The following LCE6A variants were observed in gnomAD, a reference collection of about 807,000 sequenced individuals.
LCE6A encodes the protein late cornified envelope 6A, also known as late cornified envelope protein 6A.
For missense variants in LCE6A, 105 were observed against 95.3 expected, an observed-to-expected ratio of 1.10 and a Z score of -0.42; for synonymous variants, 38 against 35.2, an observed-to-expected ratio of 1.08 and a Z score of -0.28.
In LCE6A at chr1:152,843,511, T is replaced by A; in HGVS notation, c.-10T>A. The A allele has an allele frequency of 6.6e-7, 1 of 1,515,716 alleles. No individual in the cohort carries two copies. The highest frequency in any genetic ancestry group is 2.2e-5 in the Admixed American group (1 of 44,716). The allele number at this position is 1,515,716 out of a possible 1,614,324, so 93.9% of individuals were successfully genotyped here. A position where few individuals can be genotyped will look rare whatever the true frequency, so the allele number is the denominator to read the frequency against. ...TATTTTTCTTCCAGATTCGACCTGG[T>A]AGCCAAGCAATGTCACAGCAGAAGC... On this transcript the variant is annotated 5_prime_UTR_variant, in exon 2 of 2. Coordinates refer to ENST00000431011, the MANE Select transcript of LCE6A (RefSeq NM_001128600.2).
chr1:152,842,876 C>CTG lies in LCE6A; in HGVS notation c.-156_-155dup, dbSNP rs2101605761. The CTG allele has an allele frequency of 6.6e-6, 1 of 152,498 alleles. No homozygotes were observed. Among genetic ancestry groups the CTG allele is most frequent in the South Asian group, 2.1e-4 (1 of 4,828 alleles). The allele number at this position is 152,498 out of a possible 1,614,324, so 9.4% of individuals were successfully genotyped here. A position where few individuals can be genotyped will look rare whatever the true frequency, so the allele number is the denominator to read the frequency against. On this transcript the variant is annotated 5_prime_UTR_variant, in exon 1 of 2. Transcript: ENST00000431011. The stretch of plus-strand genomic sequence containing the variant: ...GCAACACAAGGCCTCCAGACTCCTC[C>CTG]TGGGATAACTTGTCCACACATCTTC...
intron 1 of LCE6A, 138 bp from the exon 2 acceptor site, chr1:152,843,362 A>T (rs1473340841): frequency 1.5e-6 from 1 of 658,002 alleles, no homozygotes; most frequent in African/African-American, 1.8e-5. Flanking sequence ...TAGTCCTTTC[A>T]AGTCCGTTTT....
Position 152,843,633 on chromosome 1 carries a change from A to G in LCE6A, c.113A>G (p.His38Arg). Reference protein sequence around the residue: ...APYSTPCGAPHSEGCHSSSQR... With the variant: ...APYSTPCGAPRSEGCHSSSQR... Reference sequence around the variant, plus strand: ...TACTCGACTCCTTGTGGTGCTCCCCATTCAGAAGGTTGTCATTCCAGTTCC... The same window carrying G: ...TACTCGACTCCTTGTGGTGCTCCCCGTTCAGAAGGTTGTCATTCCAGTTCC... The change falls in exon 2 of 2, where the codon CAT (histidine) becomes CGT (arginine). Residue 38 changes from histidine (H) to arginine (R), a missense_variant. Transcript: ENST00000431011. 5 of 1,551,552 alleles carry G rather than the reference A, an allele frequency of 3.2e-6. No homozygotes were observed. The highest frequency in any genetic ancestry group is 4.4e-6 in the Non-Finnish European group (5 of 1,146,900).
Position 152,843,588 on chromosome 1 carries a change from C to T in LCE6A, c.68C>T (p.Ser23Leu). The change falls in exon 2 of 2, where the codon TCA becomes TTA. Residue 23 changes from serine (S) to leucine (L), a missense_variant. Ser to Leu is a moderately radical substitution (Grantham distance 145). Transcript: ENST00000431011. ...CCCAAATGCTCCCCTCCCCAAAGAT[C>T]AAACCCCTGCCTAGCTCCCTACTCG... ...NVPKCSPPQR[S>L]NPCLAPYSTP... The T allele has an allele frequency of 6.4e-7, 1 of 1,551,440 alleles. No homozygotes were observed. Among genetic ancestry groups the T allele is most frequent in the Non-Finnish European group, 8.7e-7 (1 of 1,146,814 alleles).
chr1:152,843,151 C>G (rs1282647457), intron 1 of LCE6A, 140 bp downstream of exon 1: 1 of 158,162 alleles, frequency 6.3e-6, no homozygotes, highest in Non-Finnish European at 1.4e-5. Flanking sequence ...ACTTAGGAGT[C>G]TGGGGACAGA....
chr1:152,843,653 AGTTCCCAAAGGCCT>A lies in LCE6A; in HGVS notation c.135_148del (p.Ser45ArgfsTer6), dbSNP rs776097081. 1 of 1,551,470 alleles carries A rather than the reference AGTTCCCAAAGGCCT, an allele frequency of 6.4e-7. No homozygotes were observed. Among genetic ancestry groups the A allele is most frequent in the South Asian group, 1.2e-5 (1 of 84,044 alleles). ...TCCCCATTCAGAAGGTTGTCATTCC[AGTTCCCAAAGGCCT>A]GAGGTTCAGAAGCCTAGGAGGGCTC... On this transcript the variant is annotated frameshift_variant, in exon 2 of 2. Coordinates refer to ENST00000431011, the MANE Select transcript of LCE6A (RefSeq NM_001128600.2). LOFTEE classifies it low-confidence loss of function (END_TRUNC).
At chr1:152,843,346 A>G (rs146246513) in intron 1 of LCE6A, among the ~76,000 whole-genome samples, 154 bp from the exon 2 acceptor site, 6 of 152,112 alleles carry the variant, frequency 3.9e-5, no homozygotes, top group Non-Finnish European at 5.9e-5. Context: ...TTTACTCCCA[A>G]ATATTTAGTC....
Position 152,843,487 on chromosome 1 carries a change from AT to A in LCE6A, c.-21-8del, listed in dbSNP as rs1647906313. 1 of 1,488,794 alleles carries A rather than the reference AT, an allele frequency of 6.7e-7. No homozygotes were observed. Among genetic ancestry groups the A allele is most frequent in the South Asian group, 1.4e-5 (1 of 73,810 alleles). The allele number at this position is 1,488,794 out of a possible 1,614,324, so 92.2% of individuals were successfully genotyped here. ...AGCTGCCTGGGTCCCTGATATAACT[AT>A]TTTTCTTCCAGATTCGACCTGGTAG... is the stretch of plus-strand genomic sequence containing the variant. On this transcript the variant is annotated splice_polypyrimidine_tract_variant and intron_variant, in intron 1 of 1. Coordinates refer to ENST00000431011, the MANE Select transcript of LCE6A (RefSeq NM_001128600.2).
chr1:152,843,664 G>A lies in LCE6A; in HGVS notation c.144G>A (p.Arg48=), dbSNP rs1465813139. The A allele has an allele frequency of 1.9e-6, 3 of 1,551,342 alleles. No homozygotes were observed. The highest frequency in any genetic ancestry group is 2.7e-5 in the African/African-American group (2 of 72,996). Reference sequence around the variant, plus strand: ...AAGGTTGTCATTCCAGTTCCCAAAGGCCTGAGGTTCAGAAGCCTAGGAGGG... The same window carrying A: ...AAGGTTGTCATTCCAGTTCCCAAAGACCTGAGGTTCAGAAGCCTAGGAGGG... ...HSEGCHSSSQ[R]PEVQKPRRAR... The change falls in exon 2 of 2, where the codon AGG becomes AGA. Residue 48 remains arginine, a synonymous_variant. Coordinates refer to ENST00000431011, the MANE Select transcript of LCE6A (RefSeq NM_001128600.2).
Position 152,843,743 on chromosome 1 carries a change from G to T in LCE6A, c.223G>T (p.Glu75Ter). The change falls in exon 2 of 2, where the codon GAA becomes TAA. Residue 75 changes from glutamate to a stop codon, truncating the protein, a stop_gained. Coordinates refer to ENST00000431011, the MANE Select transcript of LCE6A (RefSeq NM_001128600.2). LOFTEE classifies it high-confidence loss of function. Reference sequence around the variant, plus strand: ...GGGCACAACCTACCACTGCAAAGAGGAAGAGTGTGAAGGCGACTGAGCCCA... The same window carrying T: ...GGGCACAACCTACCACTGCAAAGAGTAAGAGTGTGAAGGCGACTGAGCCCA... ...SRGTTYHCKE[E>*]ECEGD is the part of the protein sequence containing the mutation. The T allele has an allele frequency of 6.4e-7, 1 of 1,550,726 alleles. No homozygotes were observed. Among genetic ancestry groups the T allele is most frequent in the Non-Finnish European group, 8.7e-7 (1 of 1,146,450 alleles).
In LCE6A at chr1:152,843,828, C is replaced by T; in HGVS notation, c.*65C>T. On this transcript the variant is annotated 3_prime_UTR_variant, in exon 2 of 2. Transcript: ENST00000431011. Reference sequence around the variant, plus strand: ...CTGCCCCACCTTTGGGTACTAATTCCCCCTTGGAAAGCCAGGCCCTCAACC... The same window carrying T: ...CTGCCCCACCTTTGGGTACTAATTCTCCCTTGGAAAGCCAGGCCCTCAACC... 1.1e-5 allele frequency: 16 copies of T among 1,468,990 alleles called. No individual in the cohort carries two copies. The South Asian group carries it at 2.1e-4, about 20-fold the overall frequency. The allele number at this position is 1,468,990 out of a possible 1,614,324, so 91.0% of individuals were successfully genotyped here. A position where few individuals can be genotyped will look rare whatever the true frequency, so the allele number is the denominator to read the frequency against.
Position 152,843,904 on chromosome 1 carries a change from G to C in LCE6A, c.*141G>C, listed in dbSNP as rs1647932888. 9.9e-7 allele frequency: 1 copy of C among 1,014,590 alleles called. No homozygotes were observed. The highest frequency in any genetic ancestry group is 1.4e-6 in the Non-Finnish European group (1 of 712,354). The allele number at this position is 1,014,590 out of a possible 1,614,324, so 62.8% of individuals were successfully genotyped here. On this transcript the variant is annotated 3_prime_UTR_variant, in exon 2 of 2. Transcript: ENST00000431011. ...CTGATCCCCAGCTCTAGAGAAGCGA[G>C]AACTAGGCTGAGCCACGCTGCTACT...
Position 152,843,497 on chromosome 1 carries a change from C to A in LCE6A, c.-21-3C>A. ...GTCCCTGATATAACTATTTTTCTTC[C>A]AGATTCGACCTGGTAGCCAAGCAAT... On this transcript the variant is annotated splice_polypyrimidine_tract_variant and splice_region_variant and intron_variant, in intron 1 of 1. Transcript: ENST00000431011. 1 of 1,494,208 alleles carries A rather than the reference C, an allele frequency of 6.7e-7. No individual in the cohort carries two copies. The highest frequency in any genetic ancestry group is 8.9e-7 in the Non-Finnish European group (1 of 1,119,164). The allele number at this position is 1,494,208 out of a possible 1,614,324, so 92.6% of individuals were successfully genotyped here.
In LCE6A at chr1:152,843,780, G is replaced by A. The variant is rs1352422728; in HGVS notation, c.*17G>A. 1 of 1,534,732 alleles carries A rather than the reference G, an allele frequency of 6.5e-7. No individual in the cohort carries two copies. Among genetic ancestry groups the A allele is most frequent in the Admixed American group, 2.0e-5 (1 of 49,502 alleles). On this transcript the variant is annotated 3_prime_UTR_variant, in exon 2 of 2. Coordinates refer to ENST00000431011, the MANE Select transcript of LCE6A (RefSeq NM_001128600.2). ...GGCGACTGAGCCCAGAAGAGTTGAGGCACAGGTGCAGTTACTCTCTCCCTG... is the reference window on the plus strand; with the variant it reads ...GGCGACTGAGCCCAGAAGAGTTGAGACACAGGTGCAGTTACTCTCTCCCTG...
chr1:152,843,254 C>A (rs1647897620), intron 1 of LCE6A, among the ~76,000 whole-genome samples: 1 of 150,362 alleles, frequency 6.7e-6, no homozygotes, highest in Non-Finnish European at 1.5e-5. Context: ...GTCAGCTCAA[C>A]TAAGTACAAT....
At chr1:152,843,401 T>C in intron 1 of LCE6A, 99 bp from the exon 2 acceptor site, 1 of 1,079,452 alleles carries the variant, frequency 9.3e-7, no homozygotes. Context: ...TTCAGTGGGT[T>C]GTAAATGCTG....
chr1:152,843,535 G>T lies in LCE6A; in HGVS notation c.15G>T (p.Lys5Asn). The T allele has an allele frequency of 6.5e-7, 1 of 1,538,236 alleles. No individual in the cohort carries two copies. Among genetic ancestry groups the T allele is most frequent in the South Asian group, 1.2e-5 (1 of 82,470 alleles). The change falls in exon 2 of 2, where the codon AAG (lysine) becomes AAT (asparagine). Residue 5 changes from lysine to asparagine, a missense_variant. Lys to Asn is a moderately conservative substitution (Grantham distance 94). Coordinates refer to ENST00000431011, the MANE Select transcript of LCE6A (RefSeq NM_001128600.2). ...GTAGCCAAGCAATGTCACAGCAGAAGCAGCAATCTTGGAAGCCTCCAAATG... is the reference window on the plus strand; with the variant it reads ...GTAGCCAAGCAATGTCACAGCAGAATCAGCAATCTTGGAAGCCTCCAAATG... MSQQ[K>N]QQSWKPPNVP...
Position 152,843,746 on chromosome 1 carries a change from G to C in LCE6A, c.226G>C (p.Glu76Gln), listed in dbSNP as rs1337781758. The change falls in exon 2 of 2, where the codon GAG (glutamate) becomes CAG (glutamine). Residue 76 changes from glutamate (E) to glutamine (Q), a missense_variant. Glu to Gln is a conservative substitution (Grantham distance 29). Transcript: ENST00000431011. ...CACAACCTACCACTGCAAAGAGGAA[G>C]AGTGTGAAGGCGACTGAGCCCAGAA... ...RGTTYHCKEE[E>Q]CEGD 1.3e-6 allele frequency: 2 copies of C among 1,550,206 alleles called. No individual in the cohort carries two copies. Among genetic ancestry groups the C allele is most frequent in the Non-Finnish European group, 1.7e-6 (2 of 1,146,208 alleles).
intron 1 of LCE6A, 34 bp from the exon 2 acceptor site, chr1:152,843,466 G>C: frequency 6.8e-7 from 1 of 1,462,608 alleles, no homozygotes; most frequent in Non-Finnish European, 9.1e-7. Flanking sequence ...AGCCCAAGCT[G>C]CCTGGGTCCC....
Sources: allele counts gnomAD v4.1 joint callset (sites outside exome capture counted in the v4.1 genomes callset), GRCh38; gene constraint gnomAD v4.1.1; transcripts MANE v1.5; gene names NCBI Gene and HGNC (gene_info 2026-07-23, HGNC 2026-07-21).